NDUFAF7: variants seen among roughly 807,000 people sequenced by gnomAD.
NDUFAF7 encodes protein arginine methyltransferase NDUFAF7, mitochondrial.
Under a neutral mutation model 47.2 loss-of-function variants are expected in NDUFAF7, and 48 were observed. That is an observed-to-expected ratio of 1.02 (90% CI 0.81 to 1.29). The LOEUF (loss-of-function observed/expected upper bound fraction) is 1.29. Among genes scored for constraint, NDUFAF7 ranks in the 50% most tolerant of loss-of-function variants. The pLI is 0.00. For missense variants in NDUFAF7, 635 were observed against 537.6 expected (o/e 1.18, Z -1.79); for synonymous variants, 217 against 190.0 (o/e 1.14, Z -1.17).
chr2:37,265,507 A>G, the NDUFAF7 span, among the ~76,000 whole-genome samples: 52 of 152,192 alleles, frequency 3.4e-4, 2 homozygotes, highest in South Asian at 0.011. Context: ...ACACACACAC[A>G]AACACACACA....
downstream of NDUFAF7, chr2:37,257,011 A>G (rs757875842): frequency 4.3e-5 from 61 of 1,412,952 alleles, no homozygotes; most frequent in Non-Finnish European, 5.6e-5. Context: ...CACTGTATGT[A>G]TCATTTCAAC....
chr2:37,248,290 A>ACGT lies in NDUFAF7; in HGVS notation c.1268_1270dup (p.Arg423dup), dbSNP rs779977108. 3 of 1,614,174 alleles carry ACGT rather than the reference A, an allele frequency of 1.9e-6. No homozygotes were observed. The Admixed American group carries it at 5.0e-5, about 27-fold the overall frequency. ...AAGGTGGAAGATATCAGAGGAATGC[A>ACGT]CGTCAGTCAAAACCCTTTGCATCCG... On this transcript the variant is annotated inframe_insertion, in exon 10 of 10. Transcript: ENST00000002125.
intron 4 of NDUFAF7, among the ~76,000 whole-genome samples, chr2:37,240,197 G>A (rs949678707): frequency 2.6e-5 from 4 of 152,060 alleles, no homozygotes; most frequent in Non-Finnish European, 4.4e-5. Context: ...TTGGGAGTTC[G>A]AGGCTCCCAA....
At chr2:37,251,057 A>G (rs1209341837), downstream of NDUFAF7, 5 of 152,572 alleles carry the variant, frequency 3.3e-5, no homozygotes, top group African/African-American at 1.2e-4. Flanking sequence ...CGTTCCAGTT[A>G]ATTTTCACCT....
the NDUFAF7 span, chr2:37,259,522 T>A: frequency 5.2e-6 from 7 of 1,333,416 alleles, no homozygotes; most frequent in African/African-American, 8.8e-5. Context: ...CTGCCTTTTA[T>A]TATGTGGGTG....
chr2:37,255,074 T>C (rs937166390), downstream of NDUFAF7, among the ~76,000 whole-genome samples: 1 of 152,170 alleles, frequency 6.6e-6, no homozygotes, highest in Non-Finnish European at 1.5e-5. Flanking sequence ...TTCTATTTCT[T>C]GTCTCTATAC....
At chr2:37,237,485 C>G (rs574704428) in intron 3 of NDUFAF7, among the ~76,000 whole-genome samples, 5 of 152,336 alleles carry the variant, frequency 3.3e-5, no homozygotes, top group African/African-American at 9.6e-5. Context: ...TAATACCTTT[C>G]TGCTAGTGAT....
intron 4 of NDUFAF7, among the ~76,000 whole-genome samples, chr2:37,240,601 T>G (rs1487467848): frequency 6.6e-6 from 1 of 152,134 alleles, no homozygotes; most frequent in African/African-American, 2.4e-5. Flanking sequence ...GGGCTCTATT[T>G]TATGTTTTTC....
intron 4 of NDUFAF7, among the ~76,000 whole-genome samples, chr2:37,240,461 T>C (rs1391453668): frequency 6.6e-6 from 1 of 151,666 alleles, no homozygotes; most frequent in Non-Finnish European, 1.5e-5. Context: ...TTCTTGATGC[T>C]TTATGGTTTT....
At chr2:37,231,881 T>C (rs1553353961) in intron 1 of NDUFAF7, 121 bp downstream of exon 1, 1 of 1,580,208 alleles carries the variant, frequency 6.3e-7, no homozygotes, top group Non-Finnish European at 8.6e-7. Flanking sequence ...ACCTTGAAGG[T>C]ACCCTGGGCT....
downstream of NDUFAF7, among the ~76,000 whole-genome samples, chr2:37,255,831 C>T (rs1313429337): frequency 6.6e-6 from 1 of 152,022 alleles, no homozygotes; most frequent in East Asian, 1.9e-4. Flanking sequence ...CATAGTGGGA[C>T]CCCATCTCTA....
At position 37,237,834 on chromosome 2, in the gene NDUFAF7, A is replaced by G; in HGVS notation, c.375A>G (p.Pro125=). The G allele has an allele frequency of 1.2e-6, 2 of 1,613,240 alleles. No homozygotes were observed. Among genetic ancestry groups the G allele is most frequent in the Non-Finnish European group, 1.7e-6 (2 of 1,179,218 alleles). The change falls in exon 4 of 10, where the codon CCA becomes CCG. Residue 125 remains proline (P), a synonymous_variant. Coordinates refer to ENST00000002125, the MANE Select transcript of NDUFAF7 (RefSeq NM_144736.5). ...CTTTCCAGCTGGTGGAACTGGGCCC[A>G]GGTAGGGGAACCCTCGTGGGAGATA... The part of the protein sequence containing the change: ...STAFQLVELG[P]GRGTLVGDIL...
At chr2:37,257,687 A>G (rs1245794647), downstream of NDUFAF7, among the ~76,000 whole-genome samples, 2 of 151,554 alleles carry the variant, frequency 1.3e-5, no homozygotes, top group South Asian at 2.1e-4. Context: ...AAAAAAAAAA[A>G]AAAAAAAGTT....
intron 2 of NDUFAF7, among the ~76,000 whole-genome samples, chr2:37,234,793 A>C (rs1429328241): frequency 6.6e-6 from 1 of 152,138 alleles, no homozygotes; most frequent in African/African-American, 2.4e-5. Flanking sequence ...TGAGAGGAGA[A>C]GGGGAAGGCA....
downstream of NDUFAF7, among the ~76,000 whole-genome samples, chr2:37,250,339 G>A (rs1189823333): frequency 6.6e-6 from 1 of 152,024 alleles, no homozygotes; most frequent in East Asian, 1.9e-4. Context: ...TAATTAAGGG[G>A]CTAGAGTCAG....
At chr2:37,247,414 A>G in intron 8 of NDUFAF7, 42 bp from the exon 9 acceptor site, 1 of 1,606,786 alleles carries the variant, frequency 6.2e-7, no homozygotes, top group Non-Finnish European at 8.5e-7. Flanking sequence ...TTTAATCTTA[A>G]TAACCATAAA....
intron 9 of NDUFAF7, 76 bp from the exon 10 acceptor site, chr2:37,248,059 G>C: frequency 8.7e-7 from 1 of 1,145,244 alleles, no homozygotes; most frequent in Non-Finnish European, 1.3e-6. Flanking sequence ...GAATATTTGA[G>C]AGTCATTAGT....
intron 3 of NDUFAF7, among the ~76,000 whole-genome samples, chr2:37,236,593 G>A (rs1432452141): frequency 2.0e-5 from 3 of 151,846 alleles, no homozygotes; most frequent in Admixed American, 6.6e-5. Context: ...TGGCTAACAC[G>A]GTGAAACGCA....
intron 2 of NDUFAF7, among the ~76,000 whole-genome samples, chr2:37,235,537 A>G (rs1210285220): frequency 1.3e-5 from 2 of 152,070 alleles, no homozygotes; most frequent in African/African-American, 2.4e-5. Context: ...TGGACGTTAC[A>G]TGACTTCTGC....
Sources: allele counts gnomAD v4.1 joint callset (sites outside exome capture counted in the v4.1 genomes callset), GRCh38; gene constraint gnomAD v4.1.1; transcripts MANE v1.5; gene names NCBI Gene and HGNC (gene_info 2026-07-23, HGNC 2026-07-21).